Variants in ESPN observed in about 807,000 individuals in gnomAD.
ESPN encodes the protein espin.
Under a neutral mutation model 77.7 loss-of-function variants are expected in ESPN, and 68 were observed. That is an observed-to-expected ratio of 0.87 (90% CI 0.72 to 1.07). ESPN has a LOEUF of 1.07. Among genes scored for constraint, ESPN ranks in the 50% least tolerant of loss-of-function variants. ESPN has a pLI of 0.00. For missense variants in ESPN, 1,060 were observed against 1,239.0 expected (o/e 0.86, Z 2.17); for synonymous variants, 449 against 567.1 (o/e 0.79, Z 2.96).
At chr1:6,457,461 T>C (rs1361441988) in intron 12 of ESPN, 89 bp downstream of exon 12, 4 of 1,495,814 alleles carry the variant, frequency 2.7e-6, no homozygotes, top group Admixed American at 1.7e-5. Context: ...TTTGAGTACA[T>C]CCTCCTGTCT....
Position 6,451,630 on chromosome 1 carries a change from C to T in ESPN, c.1943C>T (p.Pro648Leu), listed in dbSNP as rs769077759. 3.7e-5 allele frequency: 59 copies of T among 1,612,986 alleles called. No homozygotes were observed. The South Asian group carries it at 3.7e-4, about 10-fold the overall frequency. The change falls in exon 9 of 13, where the codon CCG becomes CTG. Residue 648 changes from proline (P) to leucine (L), a missense_variant. Physicochemically the swap from Pro to Leu is moderately conservative, Grantham distance 98. Coordinates refer to ENST00000645284, the MANE Select transcript of ESPN (RefSeq NM_031475.3). This position sits in a 1 kb window ranked among gnomAD's most constrained non-coding sequence, Gnocchi z 4.3. ...ACCAAGTCTTTCAACATGATGTCCC[C>T]GACGGGCGACAACTCGGAGCTACTG... The part of the protein sequence containing the change: ...GSTKSFNMMS[P>L]TGDNSELLAE...
chr1:6,441,511 A>C (rs74049576), intron 5 of ESPN, among the ~76,000 whole-genome samples: 4,105 of 152,136 alleles, frequency 0.027, 179 homozygotes, highest in African/African-American at 0.094. Context: ...CCTGGCCAGG[A>C]GGCACCTCTC....
intron 5 of ESPN, 21 bp downstream of exon 5, chr1:6,441,086 C>T (rs1431151796): frequency 2.5e-6 from 4 of 1,607,286 alleles, no homozygotes; most frequent in Non-Finnish European, 3.4e-6. Context: ...TGAGCTGCTC[C>T]TGTCGCATTC....
Position 6,450,592 on chromosome 1 carries a change from CG to C in ESPN, c.1916-1010del, listed in dbSNP as rs1643927142. 2.8e-6 allele frequency: 1 copy of C among 358,500 alleles called. No homozygotes were observed. Among genetic ancestry groups the C allele is most frequent in the South Asian group, 1.2e-4 (1 of 8,634 alleles). 22.2% of individuals were successfully genotyped at this position (358,500 alleles called of 1,614,324 possible). A position where few individuals can be genotyped will look rare whatever the true frequency, so the allele number is the denominator to read the frequency against. ...AAGGGCAGGGGCAGGGGCTGGCAGG[CG>C]AGAGAACCTCGAAGAATGGGTGGGG... is the stretch of plus-strand genomic sequence containing the variant. On this transcript the variant is annotated intron_variant, in intron 8 of 12. Transcript: ENST00000645284. The surrounding 1 kb of genome is among the most constrained non-coding windows in gnomAD (Gnocchi z 4.3).
At chr1:6,461,185 A>G, downstream of ESPN, 1 of 711,954 alleles carries the variant, frequency 1.4e-6, no homozygotes, top group Non-Finnish European at 2.6e-6. This position sits in a 1 kb window ranked among gnomAD's most constrained non-coding sequence, Gnocchi z 6.3. Flanking sequence ...CACAGATTTA[A>G]TACCGCGATC....
intron 10 of ESPN, 116 bp downstream of exon 10, chr1:6,452,212 T>C (rs914581981): frequency 1.6e-6 from 2 of 1,268,320 alleles, no homozygotes; most frequent in African/African-American, 3.0e-5. Context: ...CTTTTTTTTT[T>C]TTCTTTTCTT....
chr1:6,436,996 C>T (rs532961649), intron 2 of ESPN, among the ~76,000 whole-genome samples: 5 of 152,058 alleles, frequency 3.3e-5, no homozygotes, highest in Non-Finnish European at 5.9e-5. Context: ...TCCCCTCCCC[C>T]TCAGCCCATC....
intron 5 of ESPN, 114 bp from the exon 6 acceptor site, chr1:6,444,367 G>A (rs1277345475): frequency 2.5e-5 from 24 of 963,480 alleles, no homozygotes; most frequent in Admixed American, 1.2e-4. Flanking sequence ...CCCAGAGAGC[G>A]GTGTGGCTTG....
chr1:6,460,263 G>A lies in ESPN; in HGVS notation c.*117G>A, dbSNP rs1644135467. 1 of 1,358,996 alleles carries A rather than the reference G, an allele frequency of 7.4e-7. No homozygotes were observed. The highest frequency in any genetic ancestry group is 1.0e-6 in the Non-Finnish European group (1 of 998,594). The allele number at this position is 1,358,996 out of a possible 1,614,324, so 84.2% of individuals were successfully genotyped here. On this transcript the variant is annotated 3_prime_UTR_variant, in exon 13 of 13. Transcript: ENST00000645284. ...CGCACAGCCCTCCCCTCCTGCGCTG[G>A]AAACCCTCCCTGACCCCCACCCTGG...
At chr1:6,453,042 G>A (rs1321207282) in intron 10 of ESPN, among the ~76,000 whole-genome samples, 4 of 152,066 alleles carry the variant, frequency 2.6e-5, no homozygotes, top group Admixed American at 6.6e-5. Context: ...ACAAATGCCC[G>A]CCAACAATGC....
In ESPN at chr1:6,449,088, G is replaced by A. The variant is rs770028513; in HGVS notation, c.1912G>A (p.Gly638Ser). ...CGQRRSSSST[G>S]STKSFNMMSP... ...GCAGCGCCGCTCCTCCTCGTCCACC[G>A]GCAGTGAGTAGGGGCAGGTTGAGGG... Residue 638 changes from glycine (G) to serine (S), a missense_variant, in exon 8 of 13, where the codon GGC becomes AGC. Coordinates refer to ENST00000645284, the MANE Select transcript of ESPN (RefSeq NM_031475.3). The A allele has an allele frequency of 2.0e-6, 3 of 1,483,756 alleles. No individual in the cohort carries two copies. The highest frequency in any genetic ancestry group is 2.9e-5 in the African/African-American group (2 of 68,744). 91.9% of individuals were successfully genotyped at this position (1,483,756 alleles called of 1,614,324 possible). A position where few individuals can be genotyped will look rare whatever the true frequency, so the allele number is the denominator to read the frequency against.
chr1:6,430,572 G>T (rs182544254), intron 2 of ESPN, among the ~76,000 whole-genome samples: 1 of 152,192 alleles, frequency 6.6e-6, no homozygotes, highest in Admixed American at 6.5e-5. Context: ...CTGCTGCCAC[G>T]CGGGACCCTC....
chr1:6,446,637 G>A (rs1484802758), intron 7 of ESPN, among the ~76,000 whole-genome samples: 3 of 152,194 alleles, frequency 2.0e-5, no homozygotes, highest in African/African-American at 7.2e-5. Flanking sequence ...TGGGGCAGAG[G>A]TCTGGTCTGA....
rs927163921 is a variant in ESPN at position 6,460,068 on chromosome 1, G to C, written c.2487G>C (p.Thr829=). The change falls in exon 13 of 13, where the codon ACG becomes ACC. Residue 829 remains threonine (T), a synonymous_variant. Transcript: ENST00000645284. ...AGGAACAGTCAGAGAAGCTGCGGACGCTGGGCTACGATGAGAGCAAGCTGG... is the reference window on the plus strand; with the variant it reads ...AGGAACAGTCAGAGAAGCTGCGGACCCTGGGCTACGATGAGAGCAAGCTGG... ...REKEQSEKLR[T]LGYDESKLAP... is the part of the protein sequence containing the mutation. The C allele has an allele frequency of 6.2e-7, 1 of 1,613,546 alleles. No individual in the cohort carries two copies. The highest frequency in any genetic ancestry group is 8.5e-7 in the Non-Finnish European group (1 of 1,180,030).
In ESPN at chr1:6,452,010, G is replaced by A. The variant is rs547326011; in HGVS notation, c.2239G>A (p.Gly747Ser). 6.0e-5 allele frequency: 96 copies of A among 1,602,026 alleles called. No homozygotes were observed. Among genetic ancestry groups the A allele is most frequent in the Middle Eastern group, 3.3e-4 (2 of 5,982 alleles). The change falls in exon 10 of 13, where the codon GGC becomes AGC. Residue 747 changes from glycine (G) to serine (S), a missense_variant. Physicochemically the swap from Gly to Ser is moderately conservative, Grantham distance 56. Transcript: ENST00000645284. ...EALIPTHDEQ[G>S]RPIPEWKRQV... ...TCTCATCCCCACGCACGATGAGCAGGGCCGGCCCATCCCCGAGTGGAAGCG... is the reference window on the plus strand; with the variant it reads ...TCTCATCCCCACGCACGATGAGCAGAGCCGGCCCATCCCCGAGTGGAAGCG...
At chr1:6,453,000 C>G (rs1643979227) in intron 10 of ESPN, among the ~76,000 whole-genome samples, 1 of 152,068 alleles carries the variant, frequency 6.6e-6, no homozygotes, top group South Asian at 2.1e-4. Context: ...TCAAGCGATT[C>G]TCCCGCCTCA....
At position 6,447,290 on chromosome 1, in the gene ESPN, G is replaced by T. The variant is rs1167343221; in HGVS notation, c.1465-1351G>T. On this transcript the variant is annotated intron_variant, in intron 7 of 12. Coordinates refer to ENST00000645284, the MANE Select transcript of ESPN (RefSeq NM_031475.3). This position sits in a 1 kb window ranked among gnomAD's most constrained non-coding sequence, Gnocchi z 5.2. Reference sequence around the variant, plus strand: ...CAGGCGCCAGGGCCGGGGCCCGGACGCTCCACAAAGGGCTCTTTGTGTCGC... The same window carrying T: ...CAGGCGCCAGGGCCGGGGCCCGGACTCTCCACAAAGGGCTCTTTGTGTCGC... The T allele has an allele frequency of 6.6e-6, 1 of 152,272 alleles. No individual in the cohort carries two copies. Among genetic ancestry groups the T allele is most frequent in the Admixed American group, 6.5e-5 (1 of 15,284 alleles). The allele number at this position is 152,272 out of a possible 1,614,324, so 9.4% of individuals were successfully genotyped here. A position where few individuals can be genotyped will look rare whatever the true frequency, so the allele number is the denominator to read the frequency against.
rs746717585 is a variant in ESPN at position 6,440,980 on chromosome 1, A to G, written c.905A>G (p.Asp302Gly). The change falls in exon 5 of 13, where the codon GAC becomes GGC. Residue 302 changes from aspartate to glycine, a missense_variant. Physicochemically the swap from Asp to Gly is moderately conservative, Grantham distance 94 (BLOSUM62 -1). Transcript: ENST00000645284. Reference sequence around the variant, plus strand: ...AACGGCGCGGAGCTGGACGTCCGCGACCGCGACGGGTACACGGCCGCCGAC... The same window carrying G: ...AACGGCGCGGAGCTGGACGTCCGCGGCCGCGACGGGTACACGGCCGCCGAC... ...VVNGAELDVRDRDGYTAADLS... is the reference protein window; with the variant it reads ...VVNGAELDVRGRDGYTAADLS... The G allele has an allele frequency of 1.2e-6, 2 of 1,605,854 alleles. No individual in the cohort carries two copies. The highest frequency in any genetic ancestry group is 2.2e-5 in the South Asian group (2 of 89,876).
chr1:6,456,131 C>T (rs1200239310), intron 10 of ESPN: 1 of 399,268 alleles, frequency 2.5e-6, no homozygotes, highest in African/African-American at 2.1e-5. Flanking sequence ...ACGAGGACAT[C>T]TGCCGCTACA....
Sources: allele counts gnomAD v4.1 joint callset (sites outside exome capture counted in the v4.1 genomes callset), GRCh38; gene constraint gnomAD v4.1.1; non-coding constraint Gnocchi (gnomAD v3.1); transcripts MANE v1.5; gene names NCBI Gene and HGNC (gene_info 2026-07-23, HGNC 2026-07-21).